POU2F2: variants seen among roughly 807,000 people sequenced by gnomAD.
POU2F2 encodes POU class 2 homeobox 2, also known as POU domain, class 2, transcription factor 2.
POU2F2 carries 14 observed loss-of-function variants against 63.5 expected under a neutral mutation model. That is an observed-to-expected ratio of 0.22 (90% CI 0.15 to 0.34). The LOEUF (loss-of-function observed/expected upper bound fraction) is 0.34. Ranked by LOEUF, POU2F2 falls within the 10% of genes least tolerant of loss-of-function variation. POU2F2 has a pLI of 1.00. For synonymous variants in POU2F2, 306 were observed against 348.6 expected (o/e 0.88, Z 1.36); for missense variants, 607 against 815.2 (o/e 0.74, Z 3.11).
chr19:42,121,341 G>A (rs1356681080), intron 4 of POU2F2, among the ~76,000 whole-genome samples: 6 of 152,176 alleles, frequency 3.9e-5, no homozygotes, highest in African/African-American at 1.4e-4. Flanking sequence ...GGGTACACCA[G>A]ACATGGAGGC....
intron 5 of POU2F2, among the ~76,000 whole-genome samples, chr19:42,102,874 A>G (rs779145233): frequency 6.6e-6 from 1 of 152,142 alleles, no homozygotes; most frequent in Non-Finnish European, 1.5e-5. Flanking sequence ...CTTTACACAC[A>G]CAATCCAATG....
At chr19:42,113,843 C>T (rs914721339) in intron 5 of POU2F2, among the ~76,000 whole-genome samples, 35 of 152,190 alleles carry the variant, frequency 2.3e-4, no homozygotes, top group Middle Eastern at 6.8e-3. Context: ...GAGAGACATC[C>T]GAGCCTAGGA....
intron 1 of POU2F2, among the ~76,000 whole-genome samples, chr19:42,183,193 A>G (rs1295197037): frequency 6.6e-6 from 1 of 152,254 alleles, no homozygotes; most frequent in East Asian, 1.9e-4. Context: ...TAAGCTGAAG[A>G]AACAAATGCA....
chr19:42,174,698 T>G (rs1273441998), intron 1 of POU2F2, among the ~76,000 whole-genome samples: 5 of 151,852 alleles, frequency 3.3e-5, no homozygotes, highest in Admixed American at 3.3e-4. Flanking sequence ...CTTATACACA[T>G]GCATGCTGCC....
chr19:42,172,412 T>C (rs140782616), intron 1 of POU2F2, among the ~76,000 whole-genome samples: 2 of 152,306 alleles, frequency 1.3e-5, no homozygotes, highest in Non-Finnish European at 2.9e-5. Context: ...CACTGGACTT[T>C]ATTTGTTCAG....
chr19:42,122,233 C>A, intron 3 of POU2F2, 51 bp from the exon 4 acceptor site: 1 of 1,587,040 alleles, frequency 6.3e-7, no homozygotes, highest in Non-Finnish European at 8.6e-7. Context: ...AGTGAAGCAG[C>A]TTCTGACCAC....
At chr19:42,133,980 C>T (rs1048850096), upstream of POU2F2, among the ~76,000 whole-genome samples, 10 of 151,890 alleles carry the variant, frequency 6.6e-5, no homozygotes, top group Admixed American at 5.2e-4. The surrounding 1 kb of genome is among the most constrained non-coding windows in gnomAD (Gnocchi z 5.1). Flanking sequence ...GAGAGGTGAC[C>T]GTTTCCCGGC....
At chr19:42,110,729 A>T (rs1411015906) in intron 5 of POU2F2, 1 of 456,198 alleles carries the variant, frequency 2.2e-6, no homozygotes. Context: ...TCCTCAGGTG[A>T]CACCACAATA....
intron 1 of POU2F2, among the ~76,000 whole-genome samples, chr19:42,164,228 G>T (rs947252231): frequency 6.6e-6 from 1 of 150,690 alleles, no homozygotes; most frequent in African/African-American, 2.5e-5. Flanking sequence ...GGAGGTGGAG[G>T]TTGCAGTGAG....
At chr19:42,176,877 C>T (rs1242757262), upstream of POU2F2, among the ~76,000 whole-genome samples, 1 of 151,582 alleles carries the variant, frequency 6.6e-6, no homozygotes, top group Non-Finnish European at 1.5e-5. Context: ...CGGCTCCCGC[C>T]CGGAGAGCTC....
chr19:42,116,039 C>T (rs533535654), intron 5 of POU2F2, among the ~76,000 whole-genome samples: 18 of 152,298 alleles, frequency 1.2e-4, no homozygotes, highest in African/African-American at 4.3e-4. Context: ...CAGATTCTCC[C>T]TGGGAGGCTT....
rs747233502 is a variant in POU2F2, at chr19:42,183,511, G to A, written c.-70+12872C>T. ...AAATGTTTTGTAACATGATTGTGGT[G>A]GTGGTTACACAACTGTGTGTGTGTG... On this transcript the variant is annotated intron_variant, in intron 1 of 5. Coordinates refer to the POU2F2 transcript ENST00000532176. Among the ~76,000 whole-genome samples the A allele has an allele frequency of 1.8e-4, 28 of 152,300 alleles. 1 individual carries two copies. Among genetic ancestry groups the A allele is most frequent in the Admixed American group, 6.5e-4 (10 of 15,294 alleles).
intron 5 of POU2F2, chr19:42,116,827 G>A (rs1426174925): frequency 1.0e-5 from 4 of 394,786 alleles, no homozygotes; most frequent in East Asian, 7.6e-5. Flanking sequence ...CTGTGAGGTC[G>A]AGGAGGAGGC....
chr19:42,144,327 G>C (rs2034188079), intron 2 of POU2F2, among the ~76,000 whole-genome samples: 1 of 152,164 alleles, frequency 6.6e-6, no homozygotes, highest in Admixed American at 6.6e-5. Flanking sequence ...GCTGACAAAG[G>C]GGCAATGACC....
At chr19:42,149,559 G>A (rs950285819) in intron 2 of POU2F2, among the ~76,000 whole-genome samples, 1 of 152,146 alleles carries the variant, frequency 6.6e-6, no homozygotes, top group Non-Finnish European at 1.5e-5. Flanking sequence ...AGAAGTGTAT[G>A]GGGGTTTTTA....
intron 7 of POU2F2, 60 bp downstream of exon 7, chr19:42,099,467 C>CTA (rs752378971): frequency 6.9e-6 from 10 of 1,457,936 alleles, no homozygotes; most frequent in Non-Finnish European, 9.6e-6. Flanking sequence ...CCCCCGTTTA[C>CTA]CCAGCTTTCA....
Position 42,162,623 on chromosome 19 carries a change from G to A in POU2F2, c.-69-2231C>T, listed in dbSNP as rs1391843200. ...AAAGCAAGCTCAGGGTTTGGTCCTGGCCCCTCAAGTCTCCTCACAGCCAGT... is the reference window on the plus strand; with the variant it reads ...AAAGCAAGCTCAGGGTTTGGTCCTGACCCCTCAAGTCTCCTCACAGCCAGT... On this transcript the variant is annotated intron_variant, in intron 1 of 6. Coordinates refer to the POU2F2 transcript ENST00000524801. The surrounding 1 kb of genome is among the most constrained non-coding windows in gnomAD (Gnocchi z 4.1). Among the ~76,000 whole-genome samples the A allele has an allele frequency of 1.3e-5, 2 of 152,102 alleles. No homozygotes were observed. Among genetic ancestry groups the A allele is most frequent in the Non-Finnish European group, 2.9e-5 (2 of 68,026 alleles).
chr19:42,187,135 C>T (rs1376046497), intron 1 of POU2F2, among the ~76,000 whole-genome samples: 1 of 152,010 alleles, frequency 6.6e-6, no homozygotes, highest in Non-Finnish European at 1.5e-5. Flanking sequence ...GAGCTCTAAG[C>T]CCAGAAAAGA....
intron 1 of POU2F2, among the ~76,000 whole-genome samples, chr19:42,129,732 C>A (rs1161819604): frequency 1.3e-5 from 2 of 152,214 alleles, no homozygotes; most frequent in African/African-American, 4.8e-5. Flanking sequence ...TCCCCAGAAG[C>A]AGCACCTCAC....
Sources: gnomAD v4.1 joint callset for allele counts (sites outside exome capture counted in the v4.1 genomes callset) on GRCh38, gnomAD v4.1.1 for gene constraint, Gnocchi (gnomAD v3.1) non-coding constraint, MANE v1.5 for transcripts, NCBI Gene and HGNC (gene_info 2026-07-23, HGNC 2026-07-21) for gene names.